Variants in EDIL3 observed in about 807,000 individuals in gnomAD.
EDIL3 encodes the protein EGF like and discoidin domains 3.
Under a neutral mutation model 67.4 loss-of-function variants are expected in EDIL3, and 37 were observed. The ratio of observed to expected loss-of-function variants is 0.55; its 90% CI spans 0.42 to 0.72. The LOEUF is 0.72. Ranked by LOEUF, EDIL3 falls within the 30% of genes least tolerant of loss-of-function variation. EDIL3 has a pLI of 0.00. For missense variants in EDIL3, 527 were observed against 586.3 expected (o/e 0.90, Z 1.04); for synonymous variants, 195 against 196.3 (o/e 0.99, Z 0.05).
intron 1 of EDIL3, among the ~76,000 whole-genome samples, chr5:84,375,821 A>G (rs1420576312): frequency 6.6e-6 from 1 of 152,208 alleles, no homozygotes; most frequent in African/African-American, 2.4e-5. Context: ...ACACTTTCTG[A>G]CCAAATGAAT....
chr5:84,336,247 C>A (rs527618853), intron 1 of EDIL3, among the ~76,000 whole-genome samples: 1 of 152,098 alleles, frequency 6.6e-6, no homozygotes, highest in Non-Finnish European at 1.5e-5. Context: ...TAAAGACCTG[C>A]GTGTATTCAA....
chr5:83,976,524 A>G (rs1431881822), intron 9 of EDIL3, among the ~76,000 whole-genome samples: 3 of 151,840 alleles, frequency 2.0e-5, no homozygotes, highest in African/African-American at 7.2e-5. Flanking sequence ...TCCCTAATCT[A>G]TTTATTTGCA....
At chr5:84,364,954 T>G (rs1332892129) in intron 1 of EDIL3, among the ~76,000 whole-genome samples, 1 of 152,042 alleles carries the variant, frequency 6.6e-6, no homozygotes, top group East Asian at 1.9e-4. Flanking sequence ...TTAAAACATG[T>G]TTGTATATTT....
intron 8 of EDIL3, among the ~76,000 whole-genome samples, chr5:84,063,506 T>C (rs149111642): frequency 9.9e-5 from 15 of 152,254 alleles, no homozygotes; most frequent in African/African-American, 3.6e-4. Context: ...ATGTGATTCT[T>C]AAAATAGGCT....
Position 84,384,294 on chromosome 5 carries a change from T to G in EDIL3, c.67+14A>C, listed in dbSNP as rs1365095023. 2 of 1,605,712 alleles carry G rather than the reference T, an allele frequency of 1.2e-6. No individual in the cohort carries two copies. Among genetic ancestry groups the G allele is most frequent in the Non-Finnish European group, 1.7e-6 (2 of 1,176,164 alleles). Reference sequence around the variant, plus strand: ...CCCATCCCTCACCCAGCTGTCCGGGTCCCGACGCCTTACCTTTGCCGAACT... The same window carrying G: ...CCCATCCCTCACCCAGCTGTCCGGGGCCCGACGCCTTACCTTTGCCGAACT... On this transcript the variant is annotated intron_variant, in intron 1 of 10. Transcript: ENST00000296591.
At chr5:83,978,571 G>A (rs182493855) in intron 9 of EDIL3, among the ~76,000 whole-genome samples, 54 of 152,012 alleles carry the variant, frequency 3.6e-4, no homozygotes, top group African/African-American at 1.2e-3. Context: ...GTAATAGGGT[G>A]AGGTACTATT....
intron 5 of EDIL3, among the ~76,000 whole-genome samples, chr5:84,110,890 C>T (rs189514592): frequency 3.3e-5 from 5 of 152,294 alleles, no homozygotes; most frequent in Non-Finnish European, 2.9e-5. Flanking sequence ...TTGGGATCCA[C>T]TGCAACAGTA....
intron 6 of EDIL3, among the ~76,000 whole-genome samples, chr5:84,090,635 G>T (rs1224521206): frequency 1.3e-5 from 2 of 152,050 alleles, no homozygotes; most frequent in African/African-American, 4.8e-5. Context: ...AGAGATGAAT[G>T]AACTGCTTGT....
chr5:84,286,873 A>G (rs1009073494), intron 1 of EDIL3, among the ~76,000 whole-genome samples: 4 of 152,148 alleles, frequency 2.6e-5, no homozygotes, highest in African/African-American at 9.7e-5. Context: ...TGCTCTCCCC[A>G]CTGAGGTTTT....
chr5:84,291,752 CTATA>C (rs1314472932), intron 1 of EDIL3, among the ~76,000 whole-genome samples: 9 of 138,712 alleles, frequency 6.5e-5, no homozygotes, highest in African/African-American at 2.3e-4. Context: ...ATAGATATAT[CTATA>C]TATCTATATA....
chr5:84,214,990 G>C (rs1422341897), intron 3 of EDIL3, among the ~76,000 whole-genome samples: 3 of 152,164 alleles, frequency 2.0e-5, no homozygotes, highest in Non-Finnish European at 4.4e-5. Context: ...AAAATGCCAG[G>C]ATTATAGGCG....
At chr5:84,005,767 C>T (rs1246655496) in intron 9 of EDIL3, among the ~76,000 whole-genome samples, 1 of 151,946 alleles carries the variant, frequency 6.6e-6, no homozygotes, top group Non-Finnish European at 1.5e-5. Flanking sequence ...TGGAATGAGA[C>T]AAGGATGCCC....
chr5:84,309,297 T>C (rs1357696807), intron 1 of EDIL3, among the ~76,000 whole-genome samples: 2 of 151,196 alleles, frequency 1.3e-5, no homozygotes, highest in East Asian at 3.9e-4. Context: ...TTTTTCCTCT[T>C]TCTTTTTTTT....
chr5:84,360,336 T>C (rs908734995), intron 1 of EDIL3, among the ~76,000 whole-genome samples: 2 of 152,164 alleles, frequency 1.3e-5, no homozygotes, highest in African/African-American at 4.8e-5. Context: ...CTTACAGAAA[T>C]ATGTGAGAAA....
At position 84,066,447 on chromosome 5, in the gene EDIL3, T is replaced by G. The variant is rs1387740240; in HGVS notation, c.807+4A>C. The G allele has an allele frequency of 1.3e-6, 2 of 1,588,812 alleles. No individual in the cohort carries two copies. Among genetic ancestry groups the G allele is most frequent in the South Asian group, 2.4e-5 (2 of 84,780 alleles). On this transcript the variant is annotated splice_donor_region_variant and intron_variant, in intron 7 of 10. Coordinates refer to ENST00000296591, the MANE Select transcript of EDIL3 (RefSeq NM_005711.5). ...TTAAATTAAGTAGGTTAAATTATTC[T>G]TACCATGTCTTCATTGGTGCCTTTC...
At chr5:84,296,542 T>C (rs1021685688) in intron 1 of EDIL3, among the ~76,000 whole-genome samples, 27 of 138,710 alleles carry the variant, frequency 1.9e-4, no homozygotes, top group Admixed American at 3.6e-4. Flanking sequence ...ATCAAACTAG[T>C]ATACAAGTTA....
chr5:84,041,387 T>C (rs571069900), intron 9 of EDIL3, among the ~76,000 whole-genome samples: 5 of 151,628 alleles, frequency 3.3e-5, no homozygotes, highest in Non-Finnish European at 5.9e-5. Context: ...CTCCAAACCA[T>C]GCTTTGAGAA....
intron 3 of EDIL3, among the ~76,000 whole-genome samples, chr5:84,207,284 C>T (rs1313202508): frequency 1.3e-5 from 2 of 152,144 alleles, no homozygotes; most frequent in Admixed American, 6.5e-5. Flanking sequence ...GATGAGTGAA[C>T]TCCCATTCAC....
intron 1 of EDIL3, among the ~76,000 whole-genome samples, chr5:84,321,799 A>C (rs750140568): frequency 4.6e-5 from 7 of 152,140 alleles, no homozygotes; most frequent in Non-Finnish European, 8.8e-5. Context: ...TCCCCTTGAG[A>C]CGAAGTGACT....
Sources: gnomAD v4.1 joint callset for allele counts (sites outside exome capture counted in the v4.1 genomes callset) on GRCh38, gnomAD v4.1.1 for gene constraint, MANE v1.5 for transcripts, NCBI Gene and HGNC (gene_info 2026-07-23, HGNC 2026-07-21) for gene names.